The following ULK4 variants were observed in gnomAD, a reference collection of about 807,000 sequenced individuals.
The protein encoded by ULK4 is unc-51 like kinase 4, also known as inactive serine/threonine-protein kinase ULK4.
Under a neutral mutation model 160.6 loss-of-function variants are expected in ULK4, and 133 were observed. That is an observed-to-expected ratio of 0.83 (90% CI 0.72 to 0.96). The LOEUF (loss-of-function observed/expected upper bound fraction) is 0.96. Ranked by LOEUF, ULK4 falls within the 40% of genes least tolerant of loss-of-function variation. The pLI is 0.00. For synonymous variants in ULK4, 534 were observed against 539.8 expected (o/e 0.99, Z 0.15); for missense variants, 1,580 against 1,499.5 (o/e 1.05, Z -0.89).
At chr3:41,953,280 A>G (rs1700354907) in intron 2 of ULK4, among the ~76,000 whole-genome samples, 1 of 16,518 alleles carries the variant, frequency 6.1e-5, no homozygotes, top group Non-Finnish European at 1.2e-3. Flanking sequence ...ATATACATAT[A>G]TACACATATA....
chr3:41,373,602 C>A (rs1379991280), intron 35 of ULK4, among the ~76,000 whole-genome samples: 1 of 152,152 alleles, frequency 6.6e-6, no homozygotes. Context: ...AATAAAGACA[C>A]AATGTACCAG....
intron 35 of ULK4, among the ~76,000 whole-genome samples, chr3:41,318,475 C>T: frequency 6.6e-6 from 1 of 151,956 alleles, no homozygotes; most frequent in East Asian, 1.9e-4. Flanking sequence ...CTTAAGTATA[C>T]TTAAAACTTA....
At chr3:41,643,808 T>A (rs2034351817) in intron 30 of ULK4, among the ~76,000 whole-genome samples, 1 of 152,246 alleles carries the variant, frequency 6.6e-6, no homozygotes, top group Non-Finnish European at 1.5e-5. Flanking sequence ...ACAATATTGA[T>A]ACTTCCTACC....
chr3:41,665,136 T>C (rs2035312838), intron 29 of ULK4, among the ~76,000 whole-genome samples: 1 of 152,314 alleles, frequency 6.6e-6, no homozygotes, highest in Admixed American at 6.5e-5. Flanking sequence ...ATCTATGATA[T>C]AAAACAGATG....
intron 30 of ULK4, among the ~76,000 whole-genome samples, chr3:41,640,209 T>C (rs755928498): frequency 2.6e-5 from 4 of 152,134 alleles, no homozygotes; most frequent in Non-Finnish European, 5.9e-5. Flanking sequence ...CTGGACCAGC[T>C]AGGAAAGCTC....
chr3:41,811,261 C>T (rs1018051002), intron 19 of ULK4, among the ~76,000 whole-genome samples: 2 of 150,950 alleles, frequency 1.3e-5, no homozygotes, highest in Non-Finnish European at 3.0e-5. Flanking sequence ...CAGTAGCACA[C>T]TCATAGCTCA....
intron 31 of ULK4, among the ~76,000 whole-genome samples, chr3:41,602,251 AAAAGG>A (rs56277936): frequency 0.18 from 15,279 of 86,336 alleles, 1,714 homozygotes; most frequent in East Asian, 0.25. Flanking sequence ...AAGGAAGAGA[AAAAGG>A]AAAGGAAAGG....
At chr3:41,475,391 A>G (rs2084109141) in intron 32 of ULK4, among the ~76,000 whole-genome samples, 1 of 152,192 alleles carries the variant, frequency 6.6e-6, no homozygotes, top group East Asian at 1.9e-4. Flanking sequence ...AATTAGACAG[A>G]AGAAATAAGA....
chr3:41,393,497 A>G (rs1461739619), intron 35 of ULK4, among the ~76,000 whole-genome samples: 1 of 152,106 alleles, frequency 6.6e-6, no homozygotes, highest in Non-Finnish European at 1.5e-5. Flanking sequence ...ACATTCTTCC[A>G]TACTCACTTT....
chr3:41,496,923 C>T (rs1226007558), intron 32 of ULK4, among the ~76,000 whole-genome samples: 1 of 151,918 alleles, frequency 6.6e-6, no homozygotes, highest in Non-Finnish European at 1.5e-5. Flanking sequence ...GAAAAAAACT[C>T]AACCTTCTCT....
chr3:41,249,409 G>T, intron 36 of ULK4, 80 bp downstream of exon 36: 1 of 1,307,566 alleles, frequency 7.6e-7, no homozygotes. Context: ...AGGGAGATGA[G>T]TGGGAGGAGT....
chr3:41,535,671 T>C (rs1338000018), intron 32 of ULK4, among the ~76,000 whole-genome samples: 1 of 151,616 alleles, frequency 6.6e-6, no homozygotes, highest in Non-Finnish European at 1.5e-5. Flanking sequence ...TCGTGCTTCA[T>C]GAATCTACAC....
intron 21 of ULK4, among the ~76,000 whole-genome samples, chr3:41,768,989 A>G (rs17214987): frequency 0.12 from 18,851 of 152,212 alleles, 1,348 homozygotes; most frequent in Middle Eastern, 0.27. Flanking sequence ...GCCATTATAG[A>G]TTAGGGACCA....
intron 34 of ULK4, among the ~76,000 whole-genome samples, chr3:41,447,176 G>C (rs932156267): frequency 1.3e-5 from 2 of 149,748 alleles, no homozygotes; most frequent in African/African-American, 4.9e-5. Context: ...ACGTTTCACA[G>C]TTCCACATTC....
chr3:41,410,857 C>T (rs925789414), intron 34 of ULK4, among the ~76,000 whole-genome samples: 1 of 152,148 alleles, frequency 6.6e-6, no homozygotes, highest in Admixed American at 6.5e-5. Flanking sequence ...GCCATTCCCC[C>T]AAGTGTCTTT....
intron 32 of ULK4, among the ~76,000 whole-genome samples, chr3:41,508,984 G>C (rs1308373355): frequency 6.6e-6 from 1 of 152,036 alleles, no homozygotes; most frequent in Non-Finnish European, 1.5e-5. Context: ...TCTCTGAATT[G>C]CCAGAAAAAG....
intron 32 of ULK4, among the ~76,000 whole-genome samples, chr3:41,506,924 AG>A (rs1294072695): frequency 6.7e-6 from 1 of 148,630 alleles, no homozygotes; most frequent in Non-Finnish European, 1.5e-5. Context: ...CTGGAGAAAG[AG>A]TAGGGGCAGC....
At chr3:41,661,556 T>C (rs2035167516) in intron 30 of ULK4, among the ~76,000 whole-genome samples, 2 of 151,738 alleles carry the variant, frequency 1.3e-5, no homozygotes, top group Non-Finnish European at 2.9e-5. Context: ...AGATAGATAA[T>C]AGACAGACAG....
At chr3:41,776,539 C>T (rs1250556078) in intron 21 of ULK4, among the ~76,000 whole-genome samples, 1 of 150,816 alleles carries the variant, frequency 6.6e-6, no homozygotes, top group Non-Finnish European at 1.5e-5. Context: ...TTTCTATAAA[C>T]AGATACAAAA....
Sources: gnomAD v4.1 joint callset for allele counts (sites outside exome capture counted in the v4.1 genomes callset) on GRCh38, gnomAD v4.1.1 for gene constraint, MANE v1.5 for transcripts, NCBI Gene and HGNC (gene_info 2026-07-23, HGNC 2026-07-21) for gene names.